Variants in TRIT1 observed in about 807,000 individuals in gnomAD.
The protein encoded by TRIT1 is tRNA dimethylallyltransferase.
Under a neutral mutation model 51.2 loss-of-function variants are expected in TRIT1, and 43 were observed. The ratio of observed to expected loss-of-function variants is 0.84; its 90% CI spans 0.66 to 1.08. The LOEUF (loss-of-function observed/expected upper bound fraction) is 1.08. Ranked by LOEUF, TRIT1 falls within the 50% of genes least tolerant of loss-of-function variation. The pLI, the probability that TRIT1 is intolerant of heterozygous loss-of-function variation, is 0.00. For synonymous variants in TRIT1, 184 were observed against 203.9 expected, an observed-to-expected ratio of 0.90 and a Z score of 0.83; for missense variants, 528 against 578.4, an observed-to-expected ratio of 0.91 and a Z score of 0.89.
At chr1:39,847,067 C>A in intron 8 of TRIT1, 153 bp downstream of exon 8, 1 of 584,602 alleles carries the variant, frequency 1.7e-6, no homozygotes, top group East Asian at 3.0e-5. Context: ...GAAAATATCC[C>A]TGGATAATCA....
At chr1:39,858,209 A>G (rs1179110304) in intron 1 of TRIT1, among the ~76,000 whole-genome samples, 1 of 152,266 alleles carries the variant, frequency 6.6e-6, no homozygotes, top group Non-Finnish European at 1.5e-5. Flanking sequence ...CACTGAATGA[A>G]CAAATAATAA....
chr1:39,844,292 G>A, intron 9 of TRIT1, 74 bp from the exon 10 acceptor site: 1 of 1,300,088 alleles, frequency 7.7e-7, no homozygotes, highest in Middle Eastern at 1.9e-4. Flanking sequence ...AGGGAAATGG[G>A]ATTTTCCTAA....
intron 4 of TRIT1, among the ~76,000 whole-genome samples, chr1:39,851,271 C>CT (rs1557542322): frequency 6.6e-6 from 1 of 152,124 alleles, no homozygotes; most frequent in Non-Finnish European, 1.5e-5. Context: ...AAATGAGACT[C>CT]TAGAGCTCTT....
intron 1 of TRIT1, among the ~76,000 whole-genome samples, chr1:39,880,970 C>T (rs978319389): frequency 1.3e-5 from 2 of 151,984 alleles, no homozygotes; most frequent in African/African-American, 4.8e-5. Flanking sequence ...GTAATCCTAG[C>T]ACTTTGGGAG....
At chr1:39,882,062 T>A (rs1484914340) in intron 1 of TRIT1, among the ~76,000 whole-genome samples, 1 of 152,242 alleles carries the variant, frequency 6.6e-6, no homozygotes, top group East Asian at 1.9e-4. Flanking sequence ...TCTCATTTAA[T>A]CATCACAATA....
At chr1:39,870,513 T>TAAAAAAAAAAAAAAAA (rs60334518) in intron 1 of TRIT1, among the ~76,000 whole-genome samples, 2 of 78,790 alleles carry the variant, frequency 2.5e-5, no homozygotes, top group African/African-American at 1.0e-4. Flanking sequence ...CAATAAATAC[T>TAAAAAAAAAAAAAAAA]AAAAAAAAAA....
chr1:39,880,993 G>A (rs543669760), intron 1 of TRIT1, among the ~76,000 whole-genome samples: 132 of 152,020 alleles, frequency 8.7e-4, no homozygotes, highest in Admixed American at 2.1e-3. Flanking sequence ...TGGAGCGGGT[G>A]GATCACCTGA....
chr1:39,875,503 A>T (rs1366700865), intron 1 of TRIT1, among the ~76,000 whole-genome samples: 1 of 151,540 alleles, frequency 6.6e-6, no homozygotes, highest in African/African-American at 2.4e-5. Flanking sequence ...AAAAAAATAG[A>T]CTTACTACCA....
rs529376313 is a variant in TRIT1 at position 39,865,640 on chromosome 1, A to T, written c.175-8223T>A. 2.1e-5 allele frequency among the ~76,000 whole-genome samples: 3 copies of T among 141,986 alleles called. No homozygotes were observed. In the East Asian group the frequency reaches 6.6e-4, roughly 31 times the overall value. The allele number at this position is 141,986 out of a possible 152,430, so 93.1% of individuals were successfully genotyped here. On this transcript the variant is annotated intron_variant, in intron 1 of 10. Coordinates refer to ENST00000316891, the MANE Select transcript of TRIT1 (RefSeq NM_017646.6). ...TCACTGGAGCCCAAAGTTTGAGACC[A>T]GCTGGGCAACATTGTGAGACTCTGT... is the stretch of plus-strand genomic sequence containing the variant.
At chr1:39,852,915 A>C in intron 3 of TRIT1, 39 bp from the exon 4 acceptor site, 1 of 1,609,088 alleles carries the variant, frequency 6.2e-7, no homozygotes, top group Non-Finnish European at 8.5e-7. Context: ...TAATTCAACC[A>C]ACACTGAGAC....
chr1:39,870,605 C>T (rs544858137), intron 1 of TRIT1, among the ~76,000 whole-genome samples: 74 of 136,340 alleles, frequency 5.4e-4, no homozygotes, highest in Non-Finnish European at 1.1e-3. Context: ...CATAGAACTG[C>T]GGAAATTAAA....
rs200817524 is a variant in TRIT1 at position 39,866,031 on chromosome 1, GAA to G, written c.175-8616_175-8615del. ...GGGAAGGAAAAGAAAAGAAAGAAAA[GAA>G]AAGAAAAGAAAAAGAAAAGAAAGGG... On this transcript the variant is annotated intron_variant, in intron 1 of 10. Transcript: ENST00000316891. Among the ~76,000 whole-genome samples the G allele has an allele frequency of 3.6e-3, 522 of 143,024 alleles. 1 individual carries two copies. The highest frequency in any genetic ancestry group is 0.012 in the African/African-American group (479 of 39,016). The allele number at this position is 143,024 out of a possible 152,430, so 93.8% of individuals were successfully genotyped here. A position where few individuals can be genotyped will look rare whatever the true frequency, so the allele number is the denominator to read the frequency against.
At chr1:39,862,975 C>T (rs2124638495) in intron 1 of TRIT1, 1 of 984,834 alleles carries the variant, frequency 1.0e-6, no homozygotes, top group South Asian at 4.7e-5. Context: ...ATGCTTTTCT[C>T]TGCACAAACC....
chr1:39,873,840 A>G (rs934225361), intron 1 of TRIT1, among the ~76,000 whole-genome samples: 36 of 152,086 alleles, frequency 2.4e-4, no homozygotes, highest in Admixed American at 1.7e-3. Context: ...CCTGACCCAC[A>G]TGGAGAAACC....
chr1:39,852,496 G>T, intron 4 of TRIT1: 1 of 493,378 alleles, frequency 2.0e-6, no homozygotes, highest in East Asian at 3.3e-5. Flanking sequence ...ATAGGCCCTA[G>T]GGGAAAACGA....
At chr1:39,864,330 C>T (rs928161272) in intron 1 of TRIT1, among the ~76,000 whole-genome samples, 4 of 151,914 alleles carry the variant, frequency 2.6e-5, no homozygotes, top group African/African-American at 9.7e-5. Flanking sequence ...CATCCCCAGG[C>T]CAGGCGCGGT....
rs1482858785 is a variant in TRIT1 at position 39,844,090 on chromosome 1, C to T, written c.1234+11G>A. The T allele has an allele frequency of 6.2e-7, 1 of 1,600,746 alleles. No homozygotes were observed. Among genetic ancestry groups the T allele is most frequent in the South Asian group, 1.1e-5 (1 of 90,744 alleles). On this transcript the variant is annotated intron_variant, in intron 10 of 10. Coordinates refer to ENST00000316891, the MANE Select transcript of TRIT1 (RefSeq NM_017646.6). ...CTTATAGATTTCTTCATGCCCCTCC[C>T]CATACTCTACCTGCCCATTCGCGAT...
At chr1:39,848,502 G>T (rs1642366853) in intron 5 of TRIT1, among the ~76,000 whole-genome samples, 1 of 151,258 alleles carries the variant, frequency 6.6e-6, no homozygotes, top group Non-Finnish European at 1.5e-5. Flanking sequence ...ATGACACCTT[G>T]GATAAGAACA....
chr1:39,879,496 A>G (rs1476610779), intron 1 of TRIT1, among the ~76,000 whole-genome samples: 1 of 151,546 alleles, frequency 6.6e-6, no homozygotes, highest in Non-Finnish European at 1.5e-5. Flanking sequence ...ATATATATAT[A>G]TATATATTTA....
Sources: gnomAD v4.1 joint callset for allele counts (sites outside exome capture counted in the v4.1 genomes callset) on GRCh38, gnomAD v4.1.1 for gene constraint, MANE v1.5 for transcripts, NCBI Gene and HGNC (gene_info 2026-07-23, HGNC 2026-07-21) for gene names.